The following CDIN1 variants were observed in gnomAD, a reference collection of about 807,000 sequenced individuals.
CDIN1 encodes the protein CDAN1-interacting nuclease 1.
A neutral mutation model predicts 45.3 loss-of-function variants in CDIN1; 33 were observed. That is an observed-to-expected ratio of 0.73 (90% confidence interval 0.55 to 0.97). The LOEUF (loss-of-function observed/expected upper bound fraction) is 0.97. Ranked by LOEUF, CDIN1 falls within the 50% of genes least tolerant of loss-of-function variation. CDIN1 has a pLI of 0.00. For missense variants in CDIN1, 303 were observed against 339.4 expected (o/e 0.89, Z 0.84); for synonymous variants, 118 against 124.4 (o/e 0.95, Z 0.34).
At chr15:36,801,271 CA>C (rs1438309820) in intron 10 of CDIN1, among the ~76,000 whole-genome samples, 9 of 151,888 alleles carry the variant, frequency 5.9e-5, no homozygotes, top group Admixed American at 5.9e-4. Context: ...GGTAGAGAGA[CA>C]AATTATGTAA....
At chr15:36,798,356 C>G (rs1049390945) in intron 10 of CDIN1, among the ~76,000 whole-genome samples, 1 of 152,182 alleles carries the variant, frequency 6.6e-6, no homozygotes, top group African/African-American at 2.4e-5. Flanking sequence ...CCCTTTCTGG[C>G]ATTTGCCTTC....
chr15:36,800,873 GTA>G (rs1420469121), intron 10 of CDIN1, among the ~76,000 whole-genome samples: 8 of 71,288 alleles, frequency 1.1e-4, no homozygotes, highest in Non-Finnish European at 2.4e-4. Context: ...GTGTGTGTGT[GTA>G]TATATGTGTG....
At chr15:36,768,795 A>G (rs2053992711) in intron 10 of CDIN1, among the ~76,000 whole-genome samples, 2 of 152,114 alleles carry the variant, frequency 1.3e-5, no homozygotes, top group African/African-American at 4.8e-5. Flanking sequence ...GAAGCAGGAA[A>G]AAGCAAAGAA....
intron 10 of CDIN1, among the ~76,000 whole-genome samples, chr15:36,777,326 A>C (rs184348464): frequency 2.6e-5 from 4 of 151,614 alleles, no homozygotes; most frequent in Non-Finnish European, 5.9e-5. Context: ...CACACACCCT[A>C]CCAAACTCAC....
At chr15:36,784,855 A>G (rs957964030) in intron 10 of CDIN1, among the ~76,000 whole-genome samples, 8 of 152,148 alleles carry the variant, frequency 5.3e-5, no homozygotes, top group African/African-American at 1.7e-4. Context: ...CTTGCTAGAA[A>G]TAGGCTGGAA....
intron 3 of CDIN1, among the ~76,000 whole-genome samples, chr15:36,648,430 T>TTTA (rs1365176535): frequency 7.7e-6 from 1 of 129,172 alleles, no homozygotes; most frequent in Non-Finnish European, 1.6e-5. Flanking sequence ...ATATTCTATT[T>TTTA]TTTTTTTTTT....
intron 1 of CDIN1, among the ~76,000 whole-genome samples, chr15:36,639,792 C>T (rs1171247511): frequency 6.6e-6 from 1 of 152,134 alleles, no homozygotes; most frequent in African/African-American, 2.4e-5. Context: ...GTCCGGAAAC[C>T]AGTCCCCCCA....
At chr15:36,785,673 C>G (rs1397807275) in intron 10 of CDIN1, among the ~76,000 whole-genome samples, 1 of 152,200 alleles carries the variant, frequency 6.6e-6, no homozygotes, top group Non-Finnish European at 1.5e-5. Flanking sequence ...AAACTATTCT[C>G]GTTACCTTGT....
chr15:36,705,818 G>A (rs1469816837), intron 8 of CDIN1: 1 of 152,076 alleles, frequency 6.6e-6, no homozygotes, highest in African/African-American at 2.4e-5. Flanking sequence ...ATCTACTGTA[G>A]TTGCTGAATA....
chr15:36,677,995 A>G (rs919424259), intron 5 of CDIN1, among the ~76,000 whole-genome samples: 5 of 152,194 alleles, frequency 3.3e-5, no homozygotes, highest in African/African-American at 9.7e-5. Context: ...TGCTTTGGAG[A>G]TATCTTCCTC....
At chr15:36,617,902 A>AG in intron 1 of CDIN1, 1 of 768,054 alleles carries the variant, frequency 1.3e-6, no homozygotes. Context: ...CAAGGATAAA[A>AG]GCCATCAATA....
chr15:36,625,294 A>AC (rs1032553212), intron 1 of CDIN1, among the ~76,000 whole-genome samples: 38 of 151,748 alleles, frequency 2.5e-4, no homozygotes, highest in Admixed American at 3.3e-4. Context: ...AAAAAAAAAA[A>AC]AGTATTCTAA....
chr15:36,698,843 C>T (rs1478067886), intron 8 of CDIN1, among the ~76,000 whole-genome samples: 1 of 152,128 alleles, frequency 6.6e-6, no homozygotes, highest in Non-Finnish European at 1.5e-5. Context: ...GAGAACTAGC[C>T]AATCCCAGCT....
chr15:36,671,947 A>T (rs1277466722), intron 5 of CDIN1, among the ~76,000 whole-genome samples: 1 of 152,176 alleles, frequency 6.6e-6, no homozygotes, highest in Non-Finnish European at 1.5e-5. Context: ...AAGGGATAAA[A>T]ATGTGCACTG....
chr15:36,798,025 CA>C (rs11307856), intron 10 of CDIN1, among the ~76,000 whole-genome samples: 45,015 of 93,524 alleles, frequency 0.48, 8,092 homozygotes, highest in East Asian at 0.58. Context: ...GAGTTATTAG[CA>C]AAAAAAAAAA....
At chr15:36,592,590 G>A (rs2140193634) in intron 1 of CDIN1, among the ~76,000 whole-genome samples, 1 of 152,192 alleles carries the variant, frequency 6.6e-6, no homozygotes, top group African/African-American at 2.4e-5. Context: ...TAAGATTTTT[G>A]TCATTGTTGG....
chr15:36,730,154 A>G lies in CDIN1; in HGVS notation c.716+20193A>G, dbSNP rs1291453445. Among the ~76,000 whole-genome samples the G allele has an allele frequency of 2.6e-5, 4 of 152,234 alleles. No homozygotes were observed. The East Asian group carries it at 7.7e-4, about 29-fold the overall frequency. On this transcript the variant is annotated intron_variant, in intron 10 of 10. Transcript: ENST00000566621. ...ATCATCAAAACCCTCAGGGTGTCCA[A>G]TTTAACTGTTGTATTTGACTCTTCA...
chr15:36,737,581 G>A (rs951162898), intron 10 of CDIN1, among the ~76,000 whole-genome samples: 6 of 152,128 alleles, frequency 3.9e-5, no homozygotes, highest in African/African-American at 1.4e-4. Context: ...CTCACTAATA[G>A]TCTGGGTCAA....
chr15:36,808,063 A>G (rs972008656), intron 10 of CDIN1, among the ~76,000 whole-genome samples: 2 of 152,160 alleles, frequency 1.3e-5, no homozygotes, highest in Non-Finnish European at 2.9e-5. Context: ...CACCTTACTG[A>G]AAGGTAAGAT....
Sources: allele counts gnomAD v4.1 joint callset (sites outside exome capture counted in the v4.1 genomes callset), GRCh38; gene constraint gnomAD v4.1.1; transcripts MANE v1.5; gene names NCBI Gene and HGNC (gene_info 2026-07-23, HGNC 2026-07-21).